Variants in TMEM132D observed in about 807,000 individuals in gnomAD.
TMEM132D encodes the protein mature OL transmembrane protein.
TMEM132D carries 21 observed loss-of-function variants against 62.3 expected under a neutral mutation model. That is an observed-to-expected ratio of 0.34 (90% confidence interval 0.24 to 0.49). The LOEUF is 0.49. Among genes scored for constraint, TMEM132D ranks in the 20% least tolerant of loss-of-function variants. TMEM132D has a pLI of 0.99. For missense variants in TMEM132D, 1,346 were observed against 1,402.8 expected (o/e 0.96, Z 0.65); for synonymous variants, 621 against 575.6 (o/e 1.08, Z -1.13).
chr12:129,356,522 T>C (rs1192535532), intron 3 of TMEM132D, among the ~76,000 whole-genome samples: 1 of 151,356 alleles, frequency 6.6e-6, no homozygotes, highest in Non-Finnish European at 1.5e-5. Flanking sequence ...CTTCTGGCAA[T>C]AAATAAGAAA....
chr12:129,596,698 A>G (rs1255369139), intron 2 of TMEM132D, among the ~76,000 whole-genome samples: 1 of 152,058 alleles, frequency 6.6e-6, no homozygotes, highest in Non-Finnish European at 1.5e-5. Context: ...CCTACTTTTG[A>G]ATTACTTCTT....
intron 3 of TMEM132D, among the ~76,000 whole-genome samples, chr12:129,433,802 G>A (rs1467612997): frequency 1.3e-5 from 2 of 152,160 alleles, no homozygotes; most frequent in African/African-American, 2.4e-5. Flanking sequence ...GGGGACACAC[G>A]GAGATGGAGT....
chr12:129,544,711 A>T (rs535239652), intron 2 of TMEM132D, among the ~76,000 whole-genome samples: 141 of 152,374 alleles, frequency 9.3e-4, no homozygotes, highest in African/African-American at 3.1e-3. Flanking sequence ...GAAAGAAAAG[A>T]AATGAAAAGA....
intron 3 of TMEM132D, among the ~76,000 whole-genome samples, chr12:129,398,248 G>C (rs1165432403): frequency 1.3e-5 from 2 of 152,174 alleles, no homozygotes; most frequent in African/African-American, 2.4e-5. Context: ...TCAGCTCAGT[G>C]ATACCATCAT....
chr12:129,202,901 C>T (rs534051674), intron 5 of TMEM132D, among the ~76,000 whole-genome samples: 1 of 152,286 alleles, frequency 6.6e-6, no homozygotes, highest in Non-Finnish European at 1.5e-5. Context: ...ACACTAGGCA[C>T]ATAGTAGTTG....
At chr12:129,882,427 TG>T (rs1874625197) in intron 1 of TMEM132D, among the ~76,000 whole-genome samples, 1 of 152,144 alleles carries the variant, frequency 6.6e-6, no homozygotes, top group African/African-American at 2.4e-5. Context: ...ATCACTAAAT[TG>T]GGTTTGACGA....
chr12:129,792,633 A>G (rs1033775158), intron 1 of TMEM132D, among the ~76,000 whole-genome samples: 2 of 152,208 alleles, frequency 1.3e-5, no homozygotes, highest in African/African-American at 4.8e-5. Flanking sequence ...ACCAGTAAAT[A>G]CACAAATAAT....
chr12:129,207,311 C>A, intron 5 of TMEM132D, among the ~76,000 whole-genome samples: 1 of 152,082 alleles, frequency 6.6e-6, no homozygotes, highest in South Asian at 2.1e-4. Flanking sequence ...ATGAATACAG[C>A]ACCGCCCTCA....
chr12:129,617,098 T>C (rs1450317459), intron 2 of TMEM132D, among the ~76,000 whole-genome samples: 1 of 152,188 alleles, frequency 6.6e-6, no homozygotes, highest in Non-Finnish European at 1.5e-5. Context: ...CTGAAAGCAA[T>C]TTTTATTTTG....
intron 1 of TMEM132D, among the ~76,000 whole-genome samples, chr12:129,829,380 T>C (rs1872761533): frequency 6.6e-6 from 1 of 152,142 alleles, no homozygotes; most frequent in Non-Finnish European, 1.5e-5. Context: ...GCAATAAGAC[T>C]TGTGAAATCC....
chr12:129,631,454 A>G (rs1158893169), intron 2 of TMEM132D, among the ~76,000 whole-genome samples: 1 of 152,202 alleles, frequency 6.6e-6, no homozygotes, highest in Non-Finnish European at 1.5e-5. Flanking sequence ...CAACAGAGGA[A>G]ACGAATCCAG....
intron 1 of TMEM132D, among the ~76,000 whole-genome samples, chr12:129,833,328 T>C (rs1359543258): frequency 6.6e-6 from 1 of 152,154 alleles, no homozygotes; most frequent in African/African-American, 2.4e-5. Context: ...GGGCTGGGTA[T>C]GGTGGTTCAT....
At chr12:129,783,979 C>T (rs1313309523) in intron 1 of TMEM132D, among the ~76,000 whole-genome samples, 4 of 152,122 alleles carry the variant, frequency 2.6e-5, no homozygotes, top group Non-Finnish European at 5.9e-5. Context: ...TTCCCCATCC[C>T]GTTCCCTCTT....
chr12:129,869,048 T>C (rs1874157928), intron 1 of TMEM132D, among the ~76,000 whole-genome samples: 1 of 127,978 alleles, frequency 7.8e-6, no homozygotes. Flanking sequence ...GCCACTGTGT[T>C]TTTATTTTGC....
At chr12:129,552,845 A>G (rs1245939318) in intron 2 of TMEM132D, among the ~76,000 whole-genome samples, 4 of 152,000 alleles carry the variant, frequency 2.6e-5, no homozygotes, top group African/African-American at 9.7e-5. Context: ...TCTATTATCT[A>G]TTTATATTAT....
intron 1 of TMEM132D, among the ~76,000 whole-genome samples, chr12:129,786,465 A>C (rs758114666): frequency 5.9e-5 from 9 of 152,226 alleles, no homozygotes; most frequent in Non-Finnish European, 1.0e-4. Context: ...GGGAACTGTA[A>C]TTAATCAGCT....
At chr12:129,417,409 A>G (rs1872159748) in intron 3 of TMEM132D, among the ~76,000 whole-genome samples, 1 of 152,208 alleles carries the variant, frequency 6.6e-6, no homozygotes, top group African/African-American at 2.4e-5. Context: ...ATCTACAACC[A>G]TCTGATCTTT....
chr12:129,498,758 G>A (rs558592927), intron 3 of TMEM132D, among the ~76,000 whole-genome samples: 9 of 152,222 alleles, frequency 5.9e-5, no homozygotes, highest in African/African-American at 1.7e-4. Context: ...AAGGTTCTTT[G>A]GTTGCAAGCA....
chr12:129,733,650 T>C (rs887188913), intron 1 of TMEM132D, among the ~76,000 whole-genome samples: 1 of 150,320 alleles, frequency 6.7e-6, no homozygotes, highest in African/African-American at 2.5e-5. Context: ...GGATCTGACA[T>C]GTTGAAAACA....
Sources: allele counts gnomAD v4.1 joint callset (sites outside exome capture counted in the v4.1 genomes callset), GRCh38; gene constraint gnomAD v4.1.1; transcripts MANE v1.5; gene names NCBI Gene and HGNC (gene_info 2026-07-23, HGNC 2026-07-21).